Variants in PRKG1 observed in about 807,000 individuals in gnomAD.
PRKG1 encodes the protein protein kinase cGMP-dependent 1.
In PRKG1, 35 loss-of-function variants were observed where a neutral mutation model predicts 88.1. That is an observed-to-expected ratio of 0.40 (90% CI 0.30 to 0.53). The LOEUF (loss-of-function observed/expected upper bound fraction) is 0.53. Ranked by LOEUF, PRKG1 falls within the 20% of genes least tolerant of loss-of-function variation. PRKG1 has a pLI of 0.59. For missense variants in PRKG1, 540 were observed against 839.8 expected, an observed-to-expected ratio of 0.64 and a Z score of 4.41; for synonymous variants, 303 against 292.5, an observed-to-expected ratio of 1.04 and a Z score of -0.37.
At chr10:51,547,759 T>A (rs1226896196) in intron 3 of PRKG1, among the ~76,000 whole-genome samples, 1 of 152,132 alleles carries the variant, frequency 6.6e-6, no homozygotes, top group Non-Finnish European at 1.5e-5. Context: ...TCCCCTAAAC[T>A]GGTCAATGCA....
chr10:51,352,919 A>AAAAC (rs1842284242), intron 2 of PRKG1, among the ~76,000 whole-genome samples: 9 of 152,074 alleles, frequency 5.9e-5, no homozygotes, highest in African/African-American at 2.2e-4. Context: ...CAAACAAAAC[A>AAAAC]AACAACAACA....
At chr10:51,461,450 T>C (rs1839742422) in intron 2 of PRKG1, among the ~76,000 whole-genome samples, 1 of 152,148 alleles carries the variant, frequency 6.6e-6, no homozygotes, top group Admixed American at 6.5e-5. Context: ...ATATGTGTAA[T>C]GAGAAACCAC....
chr10:51,665,724 T>C (rs902255402), intron 3 of PRKG1, among the ~76,000 whole-genome samples: 3 of 152,108 alleles, frequency 2.0e-5, no homozygotes, highest in Non-Finnish European at 2.9e-5. Context: ...TTTCTTGATC[T>C]CCTTCTTCCT....
intron 5 of PRKG1, among the ~76,000 whole-genome samples, chr10:51,968,208 C>T (rs1262653836): frequency 6.6e-6 from 1 of 152,094 alleles, no homozygotes; most frequent in Non-Finnish European, 1.5e-5. Flanking sequence ...TAACATTATT[C>T]ACGCTGAAGA....
chr10:51,792,171 T>A (rs915356206), intron 3 of PRKG1, among the ~76,000 whole-genome samples: 1 of 152,124 alleles, frequency 6.6e-6, no homozygotes, highest in Non-Finnish European at 1.5e-5. Context: ...GATTGTGTGA[T>A]CTTTACTATT....
chr10:52,031,989 AG>A (rs1171260534), intron 5 of PRKG1, among the ~76,000 whole-genome samples: 2 of 151,804 alleles, frequency 1.3e-5, no homozygotes, highest in Non-Finnish European at 2.9e-5. Flanking sequence ...GTAGAGGGAG[AG>A]GGGGTATTTA....
chr10:51,875,917 T>C (rs1174428979), intron 4 of PRKG1, among the ~76,000 whole-genome samples: 1 of 151,922 alleles, frequency 6.6e-6, no homozygotes, highest in African/African-American at 2.4e-5. Flanking sequence ...TCTTTCTTTT[T>C]CTCCTCCTCC....
intron 1 of PRKG1, among the ~76,000 whole-genome samples, chr10:51,055,299 G>T (rs547659280): frequency 6.6e-6 from 1 of 152,072 alleles, no homozygotes; most frequent in Non-Finnish European, 1.5e-5. Context: ...AGAGGAATTG[G>T]AGTGGCTGAT....
chr10:51,275,332 T>C (rs1840085929), intron 2 of PRKG1, among the ~76,000 whole-genome samples: 1 of 152,220 alleles, frequency 6.6e-6, no homozygotes, highest in Non-Finnish European at 1.5e-5. Context: ...ATGTCACTAA[T>C]ATACTGGTAA....
chr10:51,517,347 C>G (rs1419497587), intron 3 of PRKG1, among the ~76,000 whole-genome samples: 1 of 152,198 alleles, frequency 6.6e-6, no homozygotes, highest in Non-Finnish European at 1.5e-5. Flanking sequence ...AAGTGTTTCT[C>G]TTTCTTCTGG....
intron 5 of PRKG1, among the ~76,000 whole-genome samples, chr10:52,008,537 A>C: frequency 6.6e-6 from 1 of 152,124 alleles, no homozygotes; most frequent in East Asian, 1.9e-4. Flanking sequence ...GAGATGCATA[A>C]ATTCCTGGAC....
At chr10:51,833,284 T>C (rs773281720) in intron 4 of PRKG1, among the ~76,000 whole-genome samples, 11 of 152,290 alleles carry the variant, frequency 7.2e-5, no homozygotes, top group Admixed American at 3.9e-4. Flanking sequence ...TAAAATTTCA[T>C]TGGTTCTCAG....
chr10:51,165,466 G>A (rs1395866039), intron 2 of PRKG1, among the ~76,000 whole-genome samples: 4 of 151,724 alleles, frequency 2.6e-5, no homozygotes, highest in Non-Finnish European at 5.9e-5. Flanking sequence ...AAAGACCATC[G>A]AGGCTAGGAA....
At position 51,374,094 on chromosome 10, in the gene PRKG1, ATATAT is replaced by A. The variant is rs1296516174; in HGVS notation, c.479-93628_479-93624del. ...CTGGCAGAGGTTGCAAAAAAAAAAA[ATATAT>A]ATATATATATATATGTACTTTAAGT... On this transcript the variant is annotated intron_variant, in intron 2 of 17. Coordinates refer to ENST00000373980, the MANE Select transcript of PRKG1 (RefSeq NM_006258.4). Among the ~76,000 whole-genome samples the A allele has an allele frequency of 1.5e-3, 104 of 68,182 alleles. 2 individuals are homozygous for A. The highest frequency in any genetic ancestry group is 4.5e-3 in the African/African-American group (98 of 21,690). 44.7% of individuals were successfully genotyped at this position (68,182 alleles called of 152,430 possible).
intron 7 of PRKG1, among the ~76,000 whole-genome samples, chr10:52,122,609 T>C (rs1278905842): frequency 6.6e-6 from 1 of 152,164 alleles, no homozygotes; most frequent in Non-Finnish European, 1.5e-5. Flanking sequence ...AACAATAAGC[T>C]CATCCTTCTA....
chr10:51,161,520 C>T (rs1364046977), intron 2 of PRKG1, among the ~76,000 whole-genome samples: 1 of 152,054 alleles, frequency 6.6e-6, no homozygotes, highest in Non-Finnish European at 1.5e-5. Context: ...TAGGAAGAGG[C>T]ATAGTGTGGC....
chr10:51,462,151 G>T (rs1416909959), intron 2 of PRKG1, among the ~76,000 whole-genome samples: 1 of 152,158 alleles, frequency 6.6e-6, no homozygotes, highest in Non-Finnish European at 1.5e-5. Flanking sequence ...TAGTCAAACA[G>T]ATTACAGAAG....
chr10:51,725,540 A>C (rs2132459655), intron 3 of PRKG1, among the ~76,000 whole-genome samples: 1 of 152,232 alleles, frequency 6.6e-6, no homozygotes, highest in African/African-American at 2.4e-5. Context: ...AAAACAAAAT[A>C]GAAGCATGGC....
At chr10:51,334,152 TTCTCTCTCTCTCTCTCTCTCTC>T (rs10568175) in intron 2 of PRKG1, among the ~76,000 whole-genome samples, 2 of 137,234 alleles carry the variant, frequency 1.5e-5, no homozygotes, top group Non-Finnish European at 1.6e-5. Context: ...CTCTCTCTCT[TTCTCTCTCTCTCTCTCTCTCTC>T]TCTCTCTCTC....
Sources: gnomAD v4.1 joint callset for allele counts (sites outside exome capture counted in the v4.1 genomes callset) on GRCh38, gnomAD v4.1.1 for gene constraint, MANE v1.5 for transcripts, NCBI Gene and HGNC (gene_info 2026-07-23, HGNC 2026-07-21) for gene names.